Variants in PTPRK observed in about 807,000 individuals in gnomAD.
PTPRK encodes protein tyrosine phosphatase receptor type K, also known as receptor-type tyrosine-protein phosphatase kappa.
Under a neutral mutation model 178.0 loss-of-function variants are expected in PTPRK, and 75 were observed. That is an observed-to-expected ratio of 0.42 (90% confidence interval 0.35 to 0.51). The LOEUF is 0.51. Ranked by LOEUF, PTPRK falls within the 20% of genes least tolerant of loss-of-function variation. The pLI, the probability that PTPRK is intolerant of heterozygous loss-of-function variation, is 0.02. For synonymous variants in PTPRK, 637 were observed against 620.6 expected, an observed-to-expected ratio of 1.03 and a Z score of -0.39; for missense variants, 1,441 against 1,797.8, an observed-to-expected ratio of 0.80 and a Z score of 3.59.
At chr6:128,453,049 T>C (rs1052993044) in intron 1 of PTPRK, among the ~76,000 whole-genome samples, 2 of 152,226 alleles carry the variant, frequency 1.3e-5, no homozygotes, top group East Asian at 1.9e-4. Flanking sequence ...AATGCTATCA[T>C]GAAGGTATGT....
chr6:128,446,080 G>A (rs17459522), intron 1 of PTPRK, among the ~76,000 whole-genome samples: 4,706 of 152,170 alleles, frequency 0.031, 80 homozygotes, highest in African/African-American at 0.049. Context: ...TCTAAGTAAC[G>A]GTGATGAACT....
At chr6:128,454,412 A>T (rs914138735) in intron 1 of PTPRK, among the ~76,000 whole-genome samples, 3 of 152,370 alleles carry the variant, frequency 2.0e-5, no homozygotes, top group Non-Finnish European at 4.4e-5. Context: ...TCTCAAATAC[A>T]CAGGCTTTAG....
chr6:127,997,668 T>C (rs1777313999), intron 16 of PTPRK, among the ~76,000 whole-genome samples: 1 of 152,066 alleles, frequency 6.6e-6, no homozygotes, highest in Admixed American at 6.6e-5. Context: ...CCAGTGGTCT[T>C]TGAAGCAAGG....
chr6:128,355,885 G>T (rs1833890921), intron 2 of PTPRK, among the ~76,000 whole-genome samples: 1 of 152,138 alleles, frequency 6.6e-6, no homozygotes, highest in African/African-American at 2.4e-5. Flanking sequence ...TTTTCTACTA[G>T]AATTTCACAA....
chr6:128,064,136 C>T (rs1042055491), intron 13 of PTPRK, among the ~76,000 whole-genome samples: 7 of 152,148 alleles, frequency 4.6e-5, no homozygotes, highest in Non-Finnish European at 1.0e-4. Flanking sequence ...GACTTTCCCC[C>T]ACTTGGAACT....
chr6:128,278,117 T>C (rs1163725645), intron 3 of PTPRK, among the ~76,000 whole-genome samples: 1 of 150,376 alleles, frequency 6.6e-6, no homozygotes, highest in African/African-American at 2.5e-5. Context: ...CAGGTGTTTT[T>C]GTGTTTTTTA....
intron 7 of PTPRK, among the ~76,000 whole-genome samples, chr6:128,135,078 TCACACACACACACACACACACA>T (rs34254716): frequency 5.9e-5 from 8 of 136,276 alleles, no homozygotes; most frequent in Admixed American, 5.1e-4. Context: ...AATCATTCAA[TCACACACACACACACACACACA>T]CACACACACA....
intron 14 of PTPRK, 45 bp from the exon 15 acceptor site, chr6:128,005,289 G>A: frequency 6.3e-7 from 1 of 1,598,188 alleles, no homozygotes; most frequent in Non-Finnish European, 8.6e-7. Context: ...TTTGAGGCTT[G>A]CAGGAGAGTT....
intron 2 of PTPRK, among the ~76,000 whole-genome samples, chr6:128,369,920 AC>A (rs1461156310): frequency 2.0e-5 from 3 of 152,066 alleles, no homozygotes; most frequent in African/African-American, 4.8e-5. Context: ...AGAAAAAAAA[AC>A]ATTCAAACTT....
chr6:128,022,948 G>A (rs1226570526), intron 13 of PTPRK, among the ~76,000 whole-genome samples: 1 of 152,130 alleles, frequency 6.6e-6, no homozygotes, highest in Non-Finnish European at 1.5e-5. Flanking sequence ...TCAGCTACTT[G>A]GGATCACTGC....
intron 3 of PTPRK, among the ~76,000 whole-genome samples, chr6:128,287,714 G>A (rs1822732983): frequency 2.0e-5 from 3 of 152,128 alleles, no homozygotes; most frequent in South Asian, 4.2e-4. Flanking sequence ...CTTCCTTTCC[G>A]TCATTCTTGG....
chr6:128,384,760 A>AT (rs539862963), intron 2 of PTPRK, among the ~76,000 whole-genome samples: 16 of 150,330 alleles, frequency 1.1e-4, no homozygotes, highest in African/African-American at 3.4e-4. Flanking sequence ...AAAAATTTTT[A>AT]TTTTTTTTTT....
rs545774289 is a variant in PTPRK at position 128,136,606 on chromosome 6, C to T, written c.1163-46614G>A. ...ACTTAATCTGGTATAAAATTCTTGG[C>T]TAGGTACCTGTCTGCAAAACACTGT... On this transcript the variant is annotated intron_variant, in intron 7 of 29. Coordinates refer to ENST00000368226, the MANE Select transcript of PTPRK (RefSeq NM_002844.4). 6.6e-4 allele frequency among the ~76,000 whole-genome samples: 100 copies of T among 152,234 alleles called. 1 individual carries two copies. The highest frequency in any genetic ancestry group is 1.2e-3 in the Non-Finnish European group (82 of 68,018).
chr6:128,495,153 A>G (rs367677150), intron 1 of PTPRK, among the ~76,000 whole-genome samples: 7 of 152,328 alleles, frequency 4.6e-5, no homozygotes, highest in African/African-American at 1.7e-4. Flanking sequence ...TCTAAAGAAG[A>G]GAAAGTGAAT....
chr6:128,239,299 A>G lies in PTPRK; in HGVS notation c.693+736T>C, dbSNP rs12197387. Among the ~76,000 whole-genome samples, 1,152 of 152,310 alleles carry G rather than the reference A, an allele frequency of 7.6e-3. 8 individuals are homozygous for G. Among genetic ancestry groups the G allele is most frequent in the Non-Finnish European group, 0.012 (841 of 68,010 alleles). On this transcript the variant is annotated intron_variant, in intron 5 of 29. Transcript: ENST00000368226. ...GCTTCAAATACTTCGCTCAATAGCCATCTGTTTTAGGTCCAGCTTCCTGGC... is the reference window on the plus strand; with the variant it reads ...GCTTCAAATACTTCGCTCAATAGCCGTCTGTTTTAGGTCCAGCTTCCTGGC...
At chr6:128,366,113 G>A (rs976566351) in intron 2 of PTPRK, among the ~76,000 whole-genome samples, 1 of 152,058 alleles carries the variant, frequency 6.6e-6, no homozygotes. Context: ...TGTCAGTAAA[G>A]GGTCACACAA....
At chr6:128,297,880 C>T (rs1303714618) in intron 3 of PTPRK, among the ~76,000 whole-genome samples, 1 of 152,072 alleles carries the variant, frequency 6.6e-6, no homozygotes, top group East Asian at 1.9e-4. Context: ...AAAATCAGAG[C>T]AGAACTGAAG....
intron 2 of PTPRK, among the ~76,000 whole-genome samples, chr6:128,347,900 A>G (rs1832627359): frequency 6.6e-6 from 1 of 152,090 alleles, no homozygotes; most frequent in South Asian, 2.1e-4. Flanking sequence ...TAGCAACATT[A>G]ATACGTCGAT....
chr6:128,222,327 C>T (rs770955555), intron 5 of PTPRK, among the ~76,000 whole-genome samples: 5 of 152,244 alleles, frequency 3.3e-5, no homozygotes, highest in Non-Finnish European at 7.3e-5. Flanking sequence ...CACCCTCTTT[C>T]AGGGACAGCT....
Sources: allele counts gnomAD v4.1 joint callset (sites outside exome capture counted in the v4.1 genomes callset), GRCh38; gene constraint gnomAD v4.1.1; transcripts MANE v1.5; gene names NCBI Gene and HGNC (gene_info 2026-07-23, HGNC 2026-07-21).